Variants in MIPOL1 observed in about 807,000 individuals in gnomAD.
MIPOL1 encodes mirror-image polydactyly 1.
Under a neutral mutation model 60.9 loss-of-function variants are expected in MIPOL1, and 57 were observed. That is an observed-to-expected ratio of 0.94 (90% CI 0.76 to 1.17). The LOEUF is 1.17. MIPOL1 is among the 50% of genes most tolerant of loss of function. MIPOL1 has a pLI of 0.00. For missense variants in MIPOL1, 551 were observed against 511.6 expected (o/e 1.08, Z -0.74); for synonymous variants, 179 against 168.8 (o/e 1.06, Z -0.47).
chr14:37,254,039 G>C (rs1028188860), intron 3 of MIPOL1, among the ~76,000 whole-genome samples: 1 of 151,728 alleles, frequency 6.6e-6, no homozygotes, highest in Non-Finnish European at 1.5e-5. Context: ...GCTTAATAGA[G>C]TGCTAGTAGC....
At chr14:37,395,477 G>T (rs1182435043) in intron 10 of MIPOL1, among the ~76,000 whole-genome samples, 1 of 151,590 alleles carries the variant, frequency 6.6e-6, no homozygotes, top group Non-Finnish European at 1.5e-5. Context: ...CCTTGGTTAG[G>T]TAGATTCCTA....
chr14:37,304,003 G>A (rs886514080), intron 7 of MIPOL1, among the ~76,000 whole-genome samples: 1 of 151,728 alleles, frequency 6.6e-6, no homozygotes, highest in African/African-American at 2.4e-5. Flanking sequence ...GGTTCTATGA[G>A]GTTCTTTTCT....
chr14:37,289,053 CTGT>C (rs770851469), intron 7 of MIPOL1, among the ~76,000 whole-genome samples: 47 of 152,124 alleles, frequency 3.1e-4, no homozygotes, highest in Non-Finnish European at 5.4e-4. Context: ...AAAGTGTGCC[CTGT>C]TGTTTAATCT....
intron 10 of MIPOL1, among the ~76,000 whole-genome samples, chr14:37,405,726 A>T (rs1230139653): frequency 6.7e-6 from 1 of 149,622 alleles, no homozygotes; most frequent in African/African-American, 2.5e-5. Flanking sequence ...CTGTTTCAGT[A>T]AAAAAAAAGT....
intron 11 of MIPOL1, among the ~76,000 whole-genome samples, chr14:37,477,178 G>A (rs1412105862): frequency 6.6e-6 from 1 of 151,964 alleles, no homozygotes; most frequent in African/African-American, 2.4e-5. Context: ...AGGATTACAG[G>A]CGTGAGCCAC....
At chr14:37,402,249 G>A (rs2093497627) in intron 10 of MIPOL1, among the ~76,000 whole-genome samples, 1 of 151,988 alleles carries the variant, frequency 6.6e-6, no homozygotes, top group Non-Finnish European at 1.5e-5. Context: ...ATTTATTATT[G>A]AAAACATTTA....
At chr14:37,502,151 C>A (rs761201949) in intron 12 of MIPOL1, 1 of 152,300 alleles carries the variant, frequency 6.6e-6, no homozygotes, top group Non-Finnish European at 1.5e-5. Flanking sequence ...TCTATGGACT[C>A]CATCTCTGAG....
chr14:37,318,781 T>G (rs2088215969), intron 9 of MIPOL1, among the ~76,000 whole-genome samples: 1 of 150,136 alleles, frequency 6.7e-6, no homozygotes, highest in Non-Finnish European at 1.5e-5. Context: ...ATTCTCATAA[T>G]TTTACTTCAT....
chr14:37,534,439 A>T (rs750226055), intron 12 of MIPOL1, among the ~76,000 whole-genome samples: 2 of 152,156 alleles, frequency 1.3e-5, no homozygotes. Context: ...CAAAATTTCA[A>T]CCCATTACTT....
chr14:37,482,211 G>A (rs2094881729), intron 11 of MIPOL1, among the ~76,000 whole-genome samples: 1 of 152,046 alleles, frequency 6.6e-6, no homozygotes, highest in African/African-American at 2.4e-5. Context: ...AATATGTAAG[G>A]CACTCAACTC....
At chr14:37,326,179 C>T (rs1261738327) in intron 9 of MIPOL1, among the ~76,000 whole-genome samples, 2 of 152,176 alleles carry the variant, frequency 1.3e-5, no homozygotes, top group Non-Finnish European at 2.9e-5. Flanking sequence ...TACCCAGCCC[C>T]TCAAGGGACT....
intron 12 of MIPOL1, among the ~76,000 whole-genome samples, chr14:37,516,658 A>C (rs968426857): frequency 6.6e-6 from 1 of 152,190 alleles, no homozygotes; most frequent in Non-Finnish European, 1.5e-5. Flanking sequence ...CATTTTGGCT[A>C]CTTTTTACTT....
chr14:37,388,825 T>C (rs1769578483), intron 10 of MIPOL1, among the ~76,000 whole-genome samples: 1 of 152,116 alleles, frequency 6.6e-6, no homozygotes. Flanking sequence ...AGCTCATTTC[T>C]CTTTTAACTT....
At chr14:37,491,927 A>G (rs2095053477) in intron 11 of MIPOL1, among the ~76,000 whole-genome samples, 1 of 152,170 alleles carries the variant, frequency 6.6e-6, no homozygotes, top group South Asian at 2.1e-4. Context: ...CTCTCTCTGT[A>G]TGTCATTCAG....
At chr14:37,298,110 C>T (rs2085949755) in intron 7 of MIPOL1, among the ~76,000 whole-genome samples, 3 of 152,072 alleles carry the variant, frequency 2.0e-5, no homozygotes, top group South Asian at 4.1e-4. Flanking sequence ...GAGATATAGA[C>T]CAATGGAACA....
intron 11 of MIPOL1, among the ~76,000 whole-genome samples, chr14:37,429,126 A>G (rs2094016571): frequency 6.6e-6 from 1 of 152,202 alleles, no homozygotes; most frequent in Admixed American, 6.5e-5. Context: ...TGTAGGGATT[A>G]GATTTGTATT....
intron 9 of MIPOL1, among the ~76,000 whole-genome samples, chr14:37,321,533 C>G (rs1039134744): frequency 6.6e-6 from 1 of 151,842 alleles, no homozygotes; most frequent in Admixed American, 6.6e-5. Context: ...TTAGACAATT[C>G]ATGAAGTTTG....
At position 37,292,071 on chromosome 14, in the gene MIPOL1, G is replaced by A. The variant is rs187261543; in HGVS notation, c.623+6624G>A. Among the ~76,000 whole-genome samples, 1,439 of 151,668 alleles carry A rather than the reference G, an allele frequency of 9.5e-3. 19 individuals are homozygous for A. The highest frequency in any genetic ancestry group is 0.012 in the Non-Finnish European group (828 of 67,880). ...CTGCTAAGTAGCTGGGGCTACAGGC[G>A]CCTGCCACCATGCCCGGCTTATTTT... On this transcript the variant is annotated intron_variant, in intron 7 of 12. Transcript: ENST00000684589.
At chr14:37,337,933 C>T (rs1432326565) in intron 9 of MIPOL1, among the ~76,000 whole-genome samples, 1 of 151,808 alleles carries the variant, frequency 6.6e-6, no homozygotes, top group Non-Finnish European at 1.5e-5. Flanking sequence ...GATAAGAAGG[C>T]TTTGTCTAAC....
Sources: gnomAD v4.1 joint callset for allele counts (sites outside exome capture counted in the v4.1 genomes callset) on GRCh38, gnomAD v4.1.1 for gene constraint, MANE v1.5 for transcripts, NCBI Gene and HGNC (gene_info 2026-07-23, HGNC 2026-07-21) for gene names.